SSH2: variants seen among roughly 807,000 people sequenced by gnomAD.
SSH2 encodes the protein protein phosphatase Slingshot homolog 2.
In SSH2, 37 loss-of-function variants were observed where a neutral mutation model predicts 135.2. That is an observed-to-expected ratio of 0.27 (90% CI 0.21 to 0.36). The LOEUF is 0.36. SSH2 is among the 10% of genes least tolerant of loss of function. The probability of loss-of-function intolerance (pLI) is 1.00; values close to 1 mark genes in which losing one functional copy is unlikely to be tolerated. For missense variants in SSH2, 1,408 were observed against 1,765.3 expected (o/e 0.80, Z 3.63); for synonymous variants, 628 against 646.2 (o/e 0.97, Z 0.43).
At chr17:29,761,336 G>A in intron 3 of SSH2, 3 of 1,102,836 alleles carry the variant, frequency 2.7e-6, no homozygotes, top group Admixed American at 5.2e-5. Flanking sequence ...CCGGCACGAG[G>A]CGCAGGCTGC....
chr17:29,854,366 C>T (rs767499255), intron 1 of SSH2, among the ~76,000 whole-genome samples: 10 of 151,596 alleles, frequency 6.6e-5, no homozygotes, highest in East Asian at 3.9e-4. Context: ...TTTATGGGGA[C>T]GCAAAAACTA....
intron 2 of SSH2, among the ~76,000 whole-genome samples, chr17:29,794,309 A>G (rs1293579535): frequency 6.6e-6 from 1 of 152,216 alleles, no homozygotes; most frequent in East Asian, 1.9e-4. Context: ...TAACCTATTA[A>G]TGATTCTGAC....
intron 8 of SSH2, chr17:29,674,073 G>C (rs1010744743): frequency 1.3e-5 from 6 of 456,476 alleles, no homozygotes; most frequent in Non-Finnish European, 2.6e-5. Context: ...AAGGCATATT[G>C]GCAAATCACT....
intron 3 of SSH2, among the ~76,000 whole-genome samples, chr17:29,778,874 T>C (rs1371398625): frequency 7.0e-6 from 1 of 143,542 alleles, no homozygotes; most frequent in African/African-American, 2.6e-5. Flanking sequence ...AAGTAAGTCA[T>C]GTAGCCAAGA....
intron 12 of SSH2, among the ~76,000 whole-genome samples, chr17:29,655,134 C>T (rs968692310): frequency 4.6e-5 from 7 of 151,724 alleles, no homozygotes; most frequent in East Asian, 1.9e-4. Flanking sequence ...GATGGTGTCT[C>T]GCTCTGTCAC....
At chr17:29,861,917 C>T (rs2065772064) in intron 1 of SSH2, among the ~76,000 whole-genome samples, 1 of 152,022 alleles carries the variant, frequency 6.6e-6, no homozygotes, top group Admixed American at 6.6e-5. Flanking sequence ...AGTGTTTACA[C>T]CAATAAACTG....
intron 1 of SSH2, among the ~76,000 whole-genome samples, chr17:29,883,273 T>C (rs942842403): frequency 1.3e-5 from 2 of 152,218 alleles, no homozygotes; most frequent in Admixed American, 1.3e-4. Context: ...ACCTTTTATA[T>C]TTTGGGTTAT....
At chr17:29,759,868 A>G (rs1368296681) in intron 3 of SSH2, among the ~76,000 whole-genome samples, 1 of 152,196 alleles carries the variant, frequency 6.6e-6, no homozygotes, top group Non-Finnish European at 1.5e-5. Flanking sequence ...TACTGTTAAC[A>G]CTATTATTTT....
chr17:29,744,780 C>A (rs555355033), intron 3 of SSH2, among the ~76,000 whole-genome samples: 4 of 151,782 alleles, frequency 2.6e-5, no homozygotes, highest in Non-Finnish European at 4.4e-5. Flanking sequence ...CTGCCTACGA[C>A]GTGATGCTGA....
At chr17:29,741,538 G>A (rs2040552959) in intron 3 of SSH2, among the ~76,000 whole-genome samples, 1 of 151,852 alleles carries the variant, frequency 6.6e-6, no homozygotes, top group South Asian at 2.1e-4. Context: ...TGGGGACAAT[G>A]GCAGGATGTT....
intron 3 of SSH2, among the ~76,000 whole-genome samples, chr17:29,739,052 G>A (rs1232731223): frequency 1.3e-5 from 2 of 152,120 alleles, no homozygotes; most frequent in Admixed American, 6.5e-5. Flanking sequence ...CCAAACAGAA[G>A]GAAACACTAT....
At chr17:29,796,619 G>C (rs995710895) in intron 2 of SSH2, among the ~76,000 whole-genome samples, 5 of 152,260 alleles carry the variant, frequency 3.3e-5, no homozygotes, top group Admixed American at 3.3e-4. Flanking sequence ...AGGATTATAG[G>C]CGTGAGCCAC....
At chr17:29,856,150 C>G (rs1316710332) in intron 1 of SSH2, 1 of 297,676 alleles carries the variant, frequency 3.4e-6, no homozygotes, top group African/African-American at 2.3e-5. Context: ...CCGGGTGTTG[C>G]TTATTAAGTT....
chr17:29,697,971 A>C (rs1451266293), intron 4 of SSH2, among the ~76,000 whole-genome samples: 1 of 152,254 alleles, frequency 6.6e-6, no homozygotes, highest in East Asian at 1.9e-4. Flanking sequence ...TGGATAAATA[A>C]AATGTGGTAT....
chr17:29,655,360 C>T (rs2036740129), intron 12 of SSH2, among the ~76,000 whole-genome samples: 3 of 152,190 alleles, frequency 2.0e-5, no homozygotes, highest in Admixed American at 1.3e-4. Context: ...GCCTCAGCTT[C>T]CCAAAGTGCT....
At chr17:29,848,817 C>T in intron 2 of SSH2, 32 bp downstream of exon 2, 2 of 1,390,082 alleles carry the variant, frequency 1.4e-6, no homozygotes, top group Middle Eastern at 1.8e-4. Flanking sequence ...CTTGAATCAC[C>T]AAAGTCTGTA....
At chr17:29,768,279 ATAAATG>A (rs2041492982) in intron 3 of SSH2, among the ~76,000 whole-genome samples, 2 of 152,012 alleles carry the variant, frequency 1.3e-5, no homozygotes, top group Middle Eastern at 3.4e-3. Flanking sequence ...CTATAACAAG[ATAAATG>A]TAAATTTTTT....
intron 3 of SSH2, among the ~76,000 whole-genome samples, chr17:29,785,250 T>C (rs1283338829): frequency 6.6e-6 from 1 of 152,110 alleles, no homozygotes; most frequent in Non-Finnish European, 1.5e-5. Flanking sequence ...ACAGTTCTTA[T>C]CTTGGGGTTG....
rs555327051 is a variant in SSH2, at chr17:29,901,136, G to C, written c.63+28802C>G. Among the ~76,000 whole-genome samples the C allele has an allele frequency of 4.6e-5, 7 of 152,214 alleles. No individual in the cohort carries two copies. The South Asian group carries it at 6.2e-4, about 14-fold the overall frequency. ...ACACACCTGGGCCTGTTGTGGGTTGGGGGGAGGGGAGAGGGATAGCATTAG... is the reference window on the plus strand; with the variant it reads ...ACACACCTGGGCCTGTTGTGGGTTGCGGGGAGGGGAGAGGGATAGCATTAG... On this transcript the variant is annotated intron_variant, in intron 1 of 15. Coordinates refer to ENST00000540801, the MANE Select transcript of SSH2 (RefSeq NM_001282129.2).
Sources: allele counts gnomAD v4.1 joint callset (sites outside exome capture counted in the v4.1 genomes callset), GRCh38; gene constraint gnomAD v4.1.1; transcripts MANE v1.5; gene names NCBI Gene and HGNC (gene_info 2026-07-23, HGNC 2026-07-21).